SMPDL3A: variants seen among roughly 807,000 people sequenced by gnomAD.
The protein encoded by SMPDL3A is sphingomyelin phosphodiesterase acid like 3A.
A neutral mutation model predicts 38.5 loss-of-function variants in SMPDL3A; 39 were observed. The observed-to-expected ratio is 1.01, with a 90% confidence interval of 0.78 to 1.32. The LOEUF (loss-of-function observed/expected upper bound fraction) is 1.32. SMPDL3A is among the 40% of genes most tolerant of loss of function. The pLI, the probability that SMPDL3A is intolerant of heterozygous loss-of-function variation, is 0.00. For missense variants in SMPDL3A, 502 were observed against 536.2 expected (o/e 0.94, Z 0.63); for synonymous variants, 180 against 194.3 (o/e 0.93, Z 0.61).
chr6:122,808,599 C>CT (rs1167263801), intron 7 of SMPDL3A, among the ~76,000 whole-genome samples: 3 of 52,504 alleles, frequency 5.7e-5, no homozygotes, highest in African/African-American at 2.0e-4. Flanking sequence ...CCCTTCCTCC[C>CT]TCCCTCCCTC....
Position 122,809,100 on chromosome 6 carries a change from C to A in SMPDL3A, c.1054C>A (p.Gln352Lys), listed in dbSNP as rs1449243827. Reference protein sequence around the residue: ...PRDYKLLDMLQYYLNLTEANL... With the variant: ...PRDYKLLDMLKYYLNLTEANL... ...CTGTTCTTAACTGCAGGATATGTTG[C>A]AGTATTACTTGAATCTGACAGAGGC... Residue 352 changes from glutamine (Q) to lysine (K), a missense_variant, in exon 8 of 8, where the codon CAG becomes AAG. By Grantham distance (53) the Gln-to-Lys change is moderately conservative. Coordinates refer to ENST00000368440, the MANE Select transcript of SMPDL3A (RefSeq NM_006714.5). The A allele has an allele frequency of 6.2e-7, 1 of 1,613,280 alleles. No individual in the cohort carries two copies. The highest frequency in any genetic ancestry group is 1.1e-5 in the South Asian group (1 of 91,048).
At chr6:122,808,666 C>T (rs1467569498) in intron 7 of SMPDL3A, among the ~76,000 whole-genome samples, 2 of 74,726 alleles carry the variant, frequency 2.7e-5, no homozygotes, top group East Asian at 5.7e-4. Flanking sequence ...CCCTCCCTCC[C>T]TCTCCTTCTT....
intron 5 of SMPDL3A, 143 bp from the exon 6 acceptor site, chr6:122,804,764 CTT>C (rs1781545304): frequency 1.5e-6 from 1 of 660,596 alleles, no homozygotes; most frequent in African/African-American, 1.9e-5. Flanking sequence ...AATTTCATCT[CTT>C]TTTCTTATAA....
chr6:122,789,541 G>C lies in SMPDL3A; in HGVS notation c.112+83G>C, dbSNP rs955552150. On this transcript the variant is annotated intron_variant, in intron 1 of 7. Transcript: ENST00000368440. ...CTGCGCACAGCAGGAGAAAGTGCGT[G>C]GGGGCAGCTGCCCCCGGCAGAGGCT... 3.5e-5 allele frequency: 43 copies of C among 1,218,522 alleles called. No individual in the cohort carries two copies. In the Admixed American group the frequency reaches 7.1e-4, roughly 20 times the overall value. 75.5% of individuals were successfully genotyped at this position (1,218,522 alleles called of 1,614,324 possible).
intron 1 of SMPDL3A, among the ~76,000 whole-genome samples, chr6:122,793,043 C>A (rs1201444718): frequency 6.6e-6 from 1 of 152,138 alleles, no homozygotes; most frequent in African/African-American, 2.4e-5. Flanking sequence ...GCAGATGATG[C>A]ATGTAACTTG....
Position 122,809,123 on chromosome 6 carries a change from G to A in SMPDL3A, c.1077G>A (p.Glu359=). 6.2e-7 allele frequency: 1 copy of A among 1,614,142 alleles called. No homozygotes were observed. The highest frequency in any genetic ancestry group is 1.1e-5 in the South Asian group (1 of 91,082). The stretch of plus-strand genomic sequence containing the variant: ...TGCAGTATTACTTGAATCTGACAGA[G>A]GCGAATCTAAAGGGAGAGTCCATCT... ...DMLQYYLNLT[E]ANLKGESIWK... Residue 359 remains glutamate, a synonymous_variant, in exon 8 of 8, where the codon GAG becomes GAA. Transcript: ENST00000368440.
intron 1 of SMPDL3A, among the ~76,000 whole-genome samples, chr6:122,795,467 T>G (rs1208476996): frequency 1.3e-5 from 2 of 152,130 alleles, no homozygotes; most frequent in Non-Finnish European, 2.9e-5. Context: ...CTGACACACT[T>G]AAGTAGTAAA....
intron 3 of SMPDL3A, among the ~76,000 whole-genome samples, chr6:122,799,498 A>G (rs763502726): frequency 6.6e-6 from 1 of 152,220 alleles, no homozygotes; most frequent in African/African-American, 2.4e-5. Context: ...AAGCTTCTCC[A>G]TCACCACACC....
At position 122,806,260 on chromosome 6, in the gene SMPDL3A, C is replaced by A; in HGVS notation, c.947C>A (p.Ala316Asp). The A allele has an allele frequency of 1.9e-6, 3 of 1,612,834 alleles. No individual in the cohort carries two copies. In the South Asian group the frequency reaches 3.3e-5, roughly 18 times the overall value. Residue 316 changes from alanine to aspartate, a missense_variant, in exon 7 of 8, where the codon GCT becomes GAT. Physicochemically the swap from Ala to Asp is moderately radical, Grantham distance 126 (BLOSUM62 -2). Coordinates refer to ENST00000368440, the MANE Select transcript of SMPDL3A (RefSeq NM_006714.5). ...AGTCCAGTAAATTCTTTGTTTGTGG[C>A]TCCTGCTGTTACACCAGTGAAGAGT... is the stretch of plus-strand genomic sequence containing the variant. The part of the protein sequence containing the change: ...KGSPVNSLFV[A>D]PAVTPVKSVL...
At chr6:122,797,086 T>C (rs1027090438) in intron 3 of SMPDL3A, 118 bp downstream of exon 3, 1 of 787,518 alleles carries the variant, frequency 1.3e-6, no homozygotes. Flanking sequence ...AGGGAGAATA[T>C]GGTCTTAATC....
chr6:122,804,470 AT>A (rs1184698070), intron 5 of SMPDL3A, among the ~76,000 whole-genome samples: 4 of 150,162 alleles, frequency 2.7e-5, no homozygotes, highest in East Asian at 3.9e-4. Flanking sequence ...CTCCTGGCTA[AT>A]TTTTTTTTCT....
At chr6:122,801,084 TC>T (rs1488545908) in intron 3 of SMPDL3A, among the ~76,000 whole-genome samples, 1 of 152,166 alleles carries the variant, frequency 6.6e-6, no homozygotes, top group East Asian at 1.9e-4. Context: ...GCTTCTAGGC[TC>T]CCCGGACCTC....
chr6:122,804,739 C>A (rs931369024), intron 5 of SMPDL3A, among the ~76,000 whole-genome samples, 170 bp from the exon 6 acceptor site: 10 of 152,042 alleles, frequency 6.6e-5, no homozygotes, highest in African/African-American at 1.7e-4. Flanking sequence ...AATATAGTGA[C>A]CCTAATAGTT....
intron 1 of SMPDL3A, among the ~76,000 whole-genome samples, chr6:122,792,012 A>C (rs1159875157): frequency 1.3e-5 from 2 of 152,220 alleles, no homozygotes; most frequent in African/African-American, 4.8e-5. Context: ...TTTTAAAGAT[A>C]GTCTGCAGAA....
At chr6:122,792,130 C>T (rs536984496) in intron 1 of SMPDL3A, among the ~76,000 whole-genome samples, 1 of 152,346 alleles carries the variant, frequency 6.6e-6, no homozygotes, top group South Asian at 2.1e-4. Flanking sequence ...CATAGGCACA[C>T]AGTTTCGTTA....
At chr6:122,796,064 T>A (rs1781239717) in intron 2 of SMPDL3A, among the ~76,000 whole-genome samples, 174 bp downstream of exon 2, 1 of 152,110 alleles carries the variant, frequency 6.6e-6, no homozygotes, top group Non-Finnish European at 1.5e-5. Flanking sequence ...ATTTTAGAAG[T>A]GTTTTTTTTT....
intron 7 of SMPDL3A, 105 bp from the exon 8 acceptor site, chr6:122,808,986 G>A (rs1175498693): frequency 8.7e-6 from 8 of 920,246 alleles, no homozygotes; most frequent in East Asian, 5.0e-5. Context: ...GAGCCACAGC[G>A]CCAAGCCTAA....
At chr6:122,789,490 C>A (rs1375491701) in intron 1 of SMPDL3A, 32 bp downstream of exon 1, 14 of 1,513,874 alleles carry the variant, frequency 9.2e-6, no homozygotes, top group East Asian at 7.4e-5. Flanking sequence ...TCTTCCCAGC[C>A]GGCAAAGAGC....
At chr6:122,799,936 T>C (rs1419395159) in intron 3 of SMPDL3A, among the ~76,000 whole-genome samples, 4 of 151,472 alleles carry the variant, frequency 2.6e-5, no homozygotes, top group Non-Finnish European at 5.9e-5. Context: ...TCACAAATGA[T>C]TTATGGGTTT....
Sources: gnomAD v4.1 joint callset for allele counts (sites outside exome capture counted in the v4.1 genomes callset) on GRCh38, gnomAD v4.1.1 for gene constraint, MANE v1.5 for transcripts, NCBI Gene and HGNC (gene_info 2026-07-23, HGNC 2026-07-21) for gene names.